The following PLEKHA1 variants were observed in gnomAD, a reference collection of about 807,000 sequenced individuals.
PLEKHA1 encodes the protein pleckstrin homology domain-containing family A member 1.
PLEKHA1 carries 34 observed loss-of-function variants against 52.0 expected under a neutral mutation model. The ratio of observed to expected loss-of-function variants is 0.65; its 90% confidence interval spans 0.50 to 0.87. The LOEUF (loss-of-function observed/expected upper bound fraction) is 0.87. Among genes scored for constraint, PLEKHA1 ranks in the 40% least tolerant of loss-of-function variants. PLEKHA1 has a pLI of 0.00. For synonymous variants in PLEKHA1, 163 were observed against 170.7 expected (o/e 0.95, Z 0.35); for missense variants, 497 against 504.2 (o/e 0.99, Z 0.14).
chr10:122,420,634 A>G (rs1004954269), intron 8 of PLEKHA1: 3 of 152,258 alleles, frequency 2.0e-5, no homozygotes, highest in African/African-American at 7.2e-5. Context: ...AATATTTGCA[A>G]CATGTATTAG....
chr10:122,423,992 T>G (rs2097300415), intron 8 of PLEKHA1: 1 of 606,520 alleles, frequency 1.6e-6, no homozygotes, highest in Non-Finnish European at 2.6e-6. Context: ...GCAGTTTTTC[T>G]TGTTTCAAAC....
intron 3 of PLEKHA1, among the ~76,000 whole-genome samples, chr10:122,399,388 C>G (rs2134203255): frequency 6.6e-6 from 1 of 152,214 alleles, no homozygotes; most frequent in African/African-American, 2.4e-5. Context: ...CAACCAAATG[C>G]AGCTAGTTGC....
chr10:122,423,958 A>G (rs2097299837), intron 8 of PLEKHA1: 3 of 510,104 alleles, frequency 5.9e-6, no homozygotes, highest in Non-Finnish European at 9.8e-6. Flanking sequence ...TTAAGGCCAG[A>G]AATAATGTGA....
intron 10 of PLEKHA1, among the ~76,000 whole-genome samples, chr10:122,426,423 C>T (rs888708057): frequency 1.3e-5 from 2 of 151,964 alleles, no homozygotes; most frequent in Non-Finnish European, 2.9e-5. Flanking sequence ...TATCTCTGCA[C>T]CCCGATTGGG....
rs1385071690 is a variant in PLEKHA1 at position 122,393,041 on chromosome 10, C to G, written c.-20-140C>G. The G allele has an allele frequency of 2.2e-5, 12 of 549,626 alleles. No individual in the cohort carries two copies. The highest frequency in any genetic ancestry group is 3.0e-6 in the Non-Finnish European group (1 of 330,192). The allele number at this position is 549,626 out of a possible 1,614,324, so 34.0% of individuals were successfully genotyped here. On this transcript the variant is annotated intron_variant, in intron 1 of 11. Coordinates refer to ENST00000368990, the MANE Select transcript of PLEKHA1 (RefSeq NM_001001974.4). The surrounding 1 kb of genome is among the most constrained non-coding windows in gnomAD (Gnocchi z 4.5). Reference sequence around the variant, plus strand: ...ATTTCAAAAGTGATTTTTGTCAATGCCTCAGATGTTGGTGTGTGTTCATTT... The same window carrying G: ...ATTTCAAAAGTGATTTTTGTCAATGGCTCAGATGTTGGTGTGTGTTCATTT...
the PLEKHA1 span, chr10:122,437,668 GACC>G: frequency 6.6e-6 from 1 of 152,286 alleles, no homozygotes; most frequent in African/African-American, 2.4e-5. Flanking sequence ...GAGAAGGTGT[GACC>G]ACCACATCAA....
intron 1 of PLEKHA1, among the ~76,000 whole-genome samples, chr10:122,380,720 AG>A (rs1344459694): frequency 6.6e-6 from 1 of 152,060 alleles, no homozygotes; most frequent in Admixed American, 6.5e-5. Context: ...TGATTGGGGA[AG>A]CTTTAAAAAA....
intron 1 of PLEKHA1, among the ~76,000 whole-genome samples, chr10:122,376,285 G>A (rs1462784065): frequency 2.6e-5 from 4 of 151,892 alleles, no homozygotes; most frequent in African/African-American, 9.7e-5. Flanking sequence ...TGGAGTTAAA[G>A]TATTTTTTAT....
chr10:122,391,654 AT>A (rs1174074943), intron 1 of PLEKHA1, among the ~76,000 whole-genome samples: 1 of 151,938 alleles, frequency 6.6e-6, no homozygotes, highest in Non-Finnish European at 1.5e-5. Context: ...ATCTATGTCT[AT>A]TCTCATGGCA....
intron 7 of PLEKHA1, among the ~76,000 whole-genome samples, chr10:122,417,499 A>G (rs1313048825): frequency 6.6e-6 from 1 of 151,934 alleles, no homozygotes; most frequent in Admixed American, 6.6e-5. Context: ...AAATACAAAA[A>G]TTAGCTGGGC....
intron 4 of PLEKHA1, among the ~76,000 whole-genome samples, chr10:122,402,655 C>A (rs948160626): frequency 5.9e-5 from 9 of 152,262 alleles, no homozygotes; most frequent in African/African-American, 1.7e-4. Context: ...AAAACAGGGA[C>A]TTTGTTTGCA....
At chr10:122,406,998 A>G (rs1000823145) in intron 5 of PLEKHA1, among the ~76,000 whole-genome samples, 6 of 152,198 alleles carry the variant, frequency 3.9e-5, no homozygotes, top group Non-Finnish European at 5.9e-5. Context: ...TTCTTCCAAT[A>G]TAGTGTAAGA....
At position 122,393,178 on chromosome 10, in the gene PLEKHA1, C is replaced by T; in HGVS notation, c.-20-3C>T. The T allele has an allele frequency of 1.3e-6, 2 of 1,577,982 alleles. No individual in the cohort carries two copies. The highest frequency in any genetic ancestry group is 1.7e-6 in the Non-Finnish European group (2 of 1,163,746). Reference sequence around the variant, plus strand: ...GCTTACTGTTAATATTTTTATTTTACAGTGTAATGTTCAAGCTCAGAAATG... The same window carrying T: ...GCTTACTGTTAATATTTTTATTTTATAGTGTAATGTTCAAGCTCAGAAATG... On this transcript the variant is annotated splice_polypyrimidine_tract_variant and splice_region_variant and intron_variant, in intron 1 of 11. Transcript: ENST00000368990. The surrounding 1 kb of genome is among the most constrained non-coding windows in gnomAD (Gnocchi z 4.5).
chr10:122,377,716 C>T (rs1302205501), intron 1 of PLEKHA1, among the ~76,000 whole-genome samples: 3 of 152,126 alleles, frequency 2.0e-5, no homozygotes, highest in Non-Finnish European at 4.4e-5. Context: ...AACCATTTGA[C>T]CCTAAGTAAC....
intron 1 of PLEKHA1, among the ~76,000 whole-genome samples, chr10:122,383,897 T>C (rs2133751519): frequency 6.6e-6 from 1 of 152,302 alleles, no homozygotes; most frequent in South Asian, 2.1e-4. Context: ...TCTCCTCTAG[T>C]TCCTTTTCTT....
rs766202306 is a variant in PLEKHA1, at chr10:122,430,730, T to C, written c.*792T>C. 1 of 152,234 alleles carries C rather than the reference T, an allele frequency of 6.6e-6. No individual in the cohort carries two copies. The highest frequency in any genetic ancestry group is 1.5e-5 in the Non-Finnish European group (1 of 68,034). 9.4% of individuals were successfully genotyped at this position (152,234 alleles called of 1,614,324 possible). A position where few individuals can be genotyped will look rare whatever the true frequency, so the allele number is the denominator to read the frequency against. ...AATAGTTGTTATTTCTATATTTGGA[T>C]TGGTGAAAGACCTCAAGTTTATATG... is the stretch of plus-strand genomic sequence containing the variant. On this transcript the variant is annotated 3_prime_UTR_variant, in exon 12 of 12. Transcript: ENST00000368990.
chr10:122,424,073 C>A, intron 8 of PLEKHA1, 126 bp from the exon 9 acceptor site: 1 of 1,248,382 alleles, frequency 8.0e-7, no homozygotes, highest in Non-Finnish European at 1.1e-6. Flanking sequence ...AGATTTATTT[C>A]TGAGATGTGC....
chr10:122,406,552 T>A (rs1474696132), intron 4 of PLEKHA1, 24 bp from the exon 5 acceptor site: 8 of 1,542,954 alleles, frequency 5.2e-6, no homozygotes, highest in Non-Finnish European at 6.3e-6. Context: ...CAATATTTGG[T>A]GTGTTATTTT....
At chr10:122,396,103 A>G (rs912198972) in intron 2 of PLEKHA1, among the ~76,000 whole-genome samples, 5 of 152,004 alleles carry the variant, frequency 3.3e-5, no homozygotes, top group Non-Finnish European at 5.9e-5. Context: ...AGCTACTTAA[A>G]TTTCCCCATA....
Sources: gnomAD v4.1 joint callset for allele counts (sites outside exome capture counted in the v4.1 genomes callset) on GRCh38, gnomAD v4.1.1 for gene constraint, Gnocchi (gnomAD v3.1) non-coding constraint, MANE v1.5 for transcripts, NCBI Gene and HGNC (gene_info 2026-07-23, HGNC 2026-07-21) for gene names.